Variants in TENT4B observed in about 807,000 individuals in gnomAD.
TENT4B encodes PAP associated domain containing 5.
In TENT4B, 10 loss-of-function variants were observed where a neutral mutation model predicts 75.0. That is an observed-to-expected ratio of 0.13 (90% confidence interval 0.08 to 0.23). The LOEUF is 0.23. Among genes scored for constraint, TENT4B ranks in the 10% least tolerant of loss-of-function variants. The pLI is 1.00. For missense variants in TENT4B, 579 were observed against 893.8 expected (o/e 0.65, Z 4.49); for synonymous variants, 350 against 357.7 (o/e 0.98, Z 0.24).
chr16:50,228,983 A>G (rs2032177180), intron 11 of TENT4B, among the ~76,000 whole-genome samples, 169 bp from the exon 12 acceptor site: 1 of 152,210 alleles, frequency 6.6e-6, no homozygotes, highest in African/African-American at 2.4e-5. Context: ...AGAGCTAAAA[A>G]GAACCCCTGT....
rs779265316 is a variant in TENT4B at position 50,224,991 on chromosome 16, A to G, written c.1609A>G (p.Asn537Asp). The G allele has an allele frequency of 4.3e-6, 7 of 1,613,144 alleles. No homozygotes were observed. In the East Asian group the frequency reaches 1.6e-4, roughly 36 times the overall value. Residue 537 changes from asparagine (N) to aspartate (D), a missense_variant, in exon 9 of 12, where the codon AAT (asparagine) becomes GAT (aspartate). Physicochemically the swap from Asn to Asp is conservative, Grantham distance 23. Around this residue, in one of 7 missense-constraint regions of TENT4B, gnomAD observed 164 missense variants for 226.5 expected, o/e 0.72. Coordinates refer to ENST00000561678, the MANE Select transcript of TENT4B (RefSeq NM_001365324.3). ...GLKNRPEPSC[N>D]GNGVTLIVDT... The stretch of plus-strand genomic sequence containing the variant: ...GAAGAATAGACCTGAGCCTTCATGC[A>G]ATGGTAAGATATTTTCCTTGGTCGA...
intron 3 of TENT4B, 63 bp downstream of exon 3, chr16:50,214,330 A>T: frequency 4.5e-6 from 6 of 1,319,232 alleles, no homozygotes; most frequent in Non-Finnish European, 6.4e-6. Flanking sequence ...TGGCTGTCAA[A>T]TTTGTAAGGA....
At chr16:50,224,255 C>T (rs770446129) in intron 7 of TENT4B, among the ~76,000 whole-genome samples, 13 of 152,112 alleles carry the variant, frequency 8.5e-5, no homozygotes, top group African/African-American at 2.9e-4. Context: ...TTCAGCAAGA[C>T]GATCCTTGCT....
chr16:50,160,482 G>A (rs901479507), intron 1 of TENT4B, among the ~76,000 whole-genome samples: 23 of 152,194 alleles, frequency 1.5e-4, no homozygotes, highest in African/African-American at 5.5e-4. Flanking sequence ...AGTCAGGAAC[G>A]GGGGTGTGTA....
At chr16:50,224,147 A>C (rs183289878) in intron 7 of TENT4B, among the ~76,000 whole-genome samples, 1 of 152,196 alleles carries the variant, frequency 6.6e-6, no homozygotes, top group Non-Finnish European at 1.5e-5. Context: ...CTGCCTTATA[A>C]ACATTAATAG....
chr16:50,153,963 C>T lies in TENT4B; in HGVS notation c.342C>T (p.Asn114=). The change falls in exon 1 of 12, where the codon AAC becomes AAT. Residue 114 remains asparagine, a synonymous_variant. Transcript: ENST00000561678. ...LPLETTNNNN[N]HHQPGAWARR... ...TAGAGACGACCAACAACAACAACAACCACCACCAGCCCGGGGCCTGGGCCC... is the reference window on the plus strand; with the variant it reads ...TAGAGACGACCAACAACAACAACAATCACCACCAGCCCGGGGCCTGGGCCC... The T allele has an allele frequency of 6.5e-7, 1 of 1,534,144 alleles. No homozygotes were observed. The highest frequency in any genetic ancestry group is 1.2e-5 in the South Asian group (1 of 83,876).
chr16:50,219,307 A>G (rs2031719333), intron 5 of TENT4B, among the ~76,000 whole-genome samples: 1 of 152,194 alleles, frequency 6.6e-6, no homozygotes. Context: ...ATTATAAGCA[A>G]AAGGAGTAGC....
At chr16:50,191,080 T>C (rs1361941188) in intron 1 of TENT4B, among the ~76,000 whole-genome samples, 1 of 150,832 alleles carries the variant, frequency 6.6e-6, no homozygotes, top group East Asian at 1.9e-4. Flanking sequence ...TTCCATTGTA[T>C]GTATATGTCA....
chr16:50,165,414 T>G (rs2038081039), intron 1 of TENT4B, among the ~76,000 whole-genome samples: 1 of 152,210 alleles, frequency 6.6e-6, no homozygotes, highest in Admixed American at 6.5e-5. Context: ...ATCCTTTATT[T>G]TTCTACTTAT....
intron 1 of TENT4B, among the ~76,000 whole-genome samples, chr16:50,188,484 C>T (rs1396297910): frequency 1.3e-5 from 2 of 152,094 alleles, no homozygotes; most frequent in East Asian, 3.8e-4. Flanking sequence ...CTGGGCAGCT[C>T]TGTGTTTCTA....
At chr16:50,157,842 A>C (rs2037930507) in intron 1 of TENT4B, among the ~76,000 whole-genome samples, 1 of 151,780 alleles carries the variant, frequency 6.6e-6, no homozygotes, top group African/African-American at 2.4e-5. Context: ...CATGGGTCAC[A>C]GCAGCCTTGG....
At chr16:50,219,774 C>G (rs2031739882) in intron 5 of TENT4B, among the ~76,000 whole-genome samples, 1 of 144,850 alleles carries the variant, frequency 6.9e-6, no homozygotes, top group South Asian at 2.2e-4. Context: ...TTCTCTTCTT[C>G]CTTTTTCTTC....
intron 1 of TENT4B, among the ~76,000 whole-genome samples, chr16:50,181,514 AG>A (rs1362013948): frequency 6.9e-6 from 1 of 144,672 alleles, no homozygotes; most frequent in African/African-American, 2.6e-5. Flanking sequence ...CATGTTGTCC[AG>A]GCTGGTCTTG....
At chr16:50,188,435 T>A (rs1424928406) in intron 1 of TENT4B, among the ~76,000 whole-genome samples, 1 of 152,224 alleles carries the variant, frequency 6.6e-6, no homozygotes, top group African/African-American at 2.4e-5. Context: ...GGCCTTAGCC[T>A]GATGGTAAAC....
At position 50,153,769 on chromosome 16, in the gene TENT4B, GGCAGCA is replaced by G; in HGVS notation, c.164_169del (p.Ser55_Ser56del). Reference sequence around the variant, plus strand: ...CAGCGGCGGCGCGAGCGGCGGCGGCGGCAGCAGCAGCAGCAGCAGCACGGCCACCGG... The same window carrying G: ...CAGCGGCGGCGCGAGCGGCGGCGGCGGCAGCAGCAGCAGCACGGCCACCGG... On this transcript the variant is annotated inframe_deletion, in exon 1 of 12. Coordinates refer to ENST00000561678, the MANE Select transcript of TENT4B (RefSeq NM_001365324.3). The G allele has an allele frequency of 2.7e-5, 30 of 1,120,160 alleles. No homozygotes were observed. Among genetic ancestry groups the G allele is most frequent in the Non-Finnish European group, 2.7e-5 (25 of 916,166 alleles). 69.4% of individuals were successfully genotyped at this position (1,120,160 alleles called of 1,614,324 possible).
chr16:50,174,310 C>T (rs2038262140), intron 1 of TENT4B, among the ~76,000 whole-genome samples: 1 of 152,072 alleles, frequency 6.6e-6, no homozygotes. Flanking sequence ...GTTGGCCAGG[C>T]TGGTCTTGGA....
chr16:50,212,923 G>A (rs1040559679), intron 2 of TENT4B, among the ~76,000 whole-genome samples: 2 of 152,140 alleles, frequency 1.3e-5, no homozygotes, highest in African/African-American at 4.8e-5. Context: ...TTCTTAGGTG[G>A]AGGTTGATTA....
At chr16:50,173,945 C>T (rs746081779) in intron 1 of TENT4B, among the ~76,000 whole-genome samples, 4 of 151,900 alleles carry the variant, frequency 2.6e-5, no homozygotes, top group Admixed American at 6.6e-5. Flanking sequence ...CTGCCCGCCT[C>T]GGCCTCCCAA....
chr16:50,229,878 T>C lies in TENT4B; in HGVS notation c.*550T>C. The C allele has an allele frequency of 1.1e-6, 1 of 913,336 alleles. No homozygotes were observed. Among genetic ancestry groups the C allele is most frequent in the Non-Finnish European group, 1.3e-6 (1 of 764,126 alleles). 56.6% of individuals were successfully genotyped at this position (913,336 alleles called of 1,614,324 possible). A position where few individuals can be genotyped will look rare whatever the true frequency, so the allele number is the denominator to read the frequency against. On this transcript the variant is annotated 3_prime_UTR_variant, in exon 12 of 12. Coordinates refer to ENST00000561678, the MANE Select transcript of TENT4B (RefSeq NM_001365324.3). ...TTGATATTTGTAATAGTGGATTTGT[T>C]AATAATACTTTTTACATAACATTAC...
Sources: gnomAD v4.1 joint callset for allele counts (sites outside exome capture counted in the v4.1 genomes callset) on GRCh38, gnomAD v4.1.1 for gene constraint, gnomAD v4.1.1 regional missense constraint, MANE v1.5 for transcripts, NCBI Gene and HGNC (gene_info 2026-07-23, HGNC 2026-07-21) for gene names.